WDR72: variants seen among roughly 807,000 people sequenced by gnomAD.
The protein encoded by WDR72 is WD repeat-containing protein 72.
In WDR72, 120 loss-of-function variants were observed where a neutral mutation model predicts 124.2. That is an observed-to-expected ratio of 0.97 (90% CI 0.83 to 1.12). WDR72 has a LOEUF of 1.12. WDR72 is among the 50% of genes most tolerant of loss of function. The pLI, the probability that WDR72 is intolerant of heterozygous loss-of-function variation, is 0.00. For synonymous variants in WDR72, 452 were observed against 441.7 expected (o/e 1.02, Z -0.29); for missense variants, 1,387 against 1,278.8 (o/e 1.08, Z -1.29).
chr15:53,744,822 G>C (rs1567061040), intron 1 of WDR72, among the ~76,000 whole-genome samples: 1 of 152,182 alleles, frequency 6.6e-6, no homozygotes, highest in Admixed American at 6.5e-5. Flanking sequence ...TGCTGATGAG[G>C]AAGTGGAGGA....
chr15:53,758,773 G>A (rs1041701523), intron 1 of WDR72, among the ~76,000 whole-genome samples: 1 of 127,064 alleles, frequency 7.9e-6, no homozygotes, highest in Non-Finnish European at 1.7e-5. Flanking sequence ...AACTGCGGGG[G>A]GGGGGGGGGC....
At chr15:53,700,028 A>G (rs1003604190) in intron 12 of WDR72, 83 bp from the exon 13 acceptor site, 46 of 1,557,770 alleles carry the variant, frequency 3.0e-5, no homozygotes, top group Non-Finnish European at 3.8e-5. Flanking sequence ...TCCCAGTAAC[A>G]TAAAAAAGTT....
intron 14 of WDR72, among the ~76,000 whole-genome samples, chr15:53,663,171 A>G (rs2015664642): frequency 6.6e-6 from 1 of 152,036 alleles, no homozygotes; most frequent in Non-Finnish European, 1.5e-5. Context: ...GAAAAAGTGT[A>G]TAATAGACAT....
intron 19 of WDR72, among the ~76,000 whole-genome samples, chr15:53,520,261 C>T (rs1350710164): frequency 4.6e-5 from 7 of 152,002 alleles, no homozygotes; most frequent in African/African-American, 1.7e-4. Flanking sequence ...TTTCTATATG[C>T]TGTTCAAACA....
At chr15:53,686,830 A>AT (rs2016648708) in intron 13 of WDR72, among the ~76,000 whole-genome samples, 1 of 150,156 alleles carries the variant, frequency 6.7e-6, no homozygotes, top group Admixed American at 6.6e-5. Context: ...TCCTCAGCAA[A>AT]TGTAAAAGAA....
chr15:53,754,005 C>T (rs116112112), intron 1 of WDR72, among the ~76,000 whole-genome samples: 1 of 152,112 alleles, frequency 6.6e-6, no homozygotes, highest in East Asian at 1.9e-4. Flanking sequence ...ATGATGACAT[C>T]ATCATCTGTT....
At chr15:53,602,147 C>T (rs538777183) in intron 17 of WDR72, among the ~76,000 whole-genome samples, 2 of 152,158 alleles carry the variant, frequency 1.3e-5, no homozygotes, top group Non-Finnish European at 2.9e-5. Flanking sequence ...TCACCAGGAC[C>T]ACAGCACAAT....
At chr15:53,545,306 G>A (rs1248789730) in intron 18 of WDR72, among the ~76,000 whole-genome samples, 267 of 151,276 alleles carry the variant, frequency 1.8e-3, no homozygotes, top group African/African-American at 6.0e-3. Flanking sequence ...TACTGGTACC[G>A]AAACAGAGAT....
chr15:53,523,371 A>C (rs1457221805), intron 18 of WDR72, 49 bp from the exon 19 acceptor site: 1 of 1,570,076 alleles, frequency 6.4e-7, no homozygotes, highest in Non-Finnish European at 8.7e-7. Flanking sequence ...GAGAGGATGA[A>C]AAAGTAGTAG....
At chr15:53,732,298 A>C (rs1200732853) in intron 2 of WDR72, among the ~76,000 whole-genome samples, 1 of 152,230 alleles carries the variant, frequency 6.6e-6, no homozygotes, top group African/African-American at 2.4e-5. Context: ...GATCTTTAAA[A>C]GGCTTCTTAA....
intron 18 of WDR72, among the ~76,000 whole-genome samples, chr15:53,582,000 T>C (rs1485048232): frequency 1.3e-5 from 2 of 151,974 alleles, no homozygotes; most frequent in Non-Finnish European, 1.5e-5. Context: ...AGTGAGACTA[T>C]ATTCAATGCA....
chr15:53,575,158 G>GAGT (rs57891106), intron 18 of WDR72, among the ~76,000 whole-genome samples: 18,040 of 151,764 alleles, frequency 0.12, 1,268 homozygotes, highest in African/African-American at 0.19. Context: ...TTTTTCATAT[G>GAGT]AGTACTACCA....
chr15:53,734,228 C>T (rs918622694), intron 1 of WDR72, among the ~76,000 whole-genome samples: 3 of 152,048 alleles, frequency 2.0e-5, no homozygotes, highest in African/African-American at 7.2e-5. Flanking sequence ...CCTTGTAGTT[C>T]CATTGTCTGG....
At chr15:53,630,810 G>C (rs1292590970) in intron 14 of WDR72, among the ~76,000 whole-genome samples, 1 of 152,162 alleles carries the variant, frequency 6.6e-6, no homozygotes. Flanking sequence ...GGACAAGTAT[G>C]TCCTTTCTTG....
intron 14 of WDR72, among the ~76,000 whole-genome samples, chr15:53,647,611 C>T (rs1477636774): frequency 2.0e-5 from 3 of 152,062 alleles, no homozygotes; most frequent in Non-Finnish European, 4.4e-5. Flanking sequence ...TTACAGTTCT[C>T]CACCTTTTCC....
chr15:53,738,814 C>T (rs1251235834), intron 1 of WDR72, among the ~76,000 whole-genome samples: 3 of 152,102 alleles, frequency 2.0e-5, no homozygotes, highest in Non-Finnish European at 4.4e-5. Flanking sequence ...ACCTTGTTGG[C>T]GAAGCTGGTC....
intron 4 of WDR72, among the ~76,000 whole-genome samples, chr15:53,715,654 G>A (rs2017682993): frequency 7.7e-6 from 1 of 129,162 alleles, no homozygotes; most frequent in Non-Finnish European, 1.9e-5. Context: ...AGTGCAACTT[G>A]GAACTAAACA....
chr15:53,517,376 T>A lies in WDR72; in HGVS notation c.*323A>T. ...GGGACTAAAAGGATAGGAGAAAATT[T>A]AAAGCAGTATTAAATTTGTGTCTGT... On this transcript the variant is annotated 3_prime_UTR_variant, in exon 20 of 20. Transcript: ENST00000360509. 3.1e-6 allele frequency: 1 copy of A among 325,428 alleles called. No individual in the cohort carries two copies. The highest frequency in any genetic ancestry group is 3.3e-5 in the South Asian group (1 of 30,734). 20.2% of individuals were successfully genotyped at this position (325,428 alleles called of 1,614,324 possible).
rs1315424319 is a variant in WDR72, at chr15:53,609,575, C to T, written c.2890G>A (p.Val964Ile). Residue 964 changes from valine to isoleucine, a missense_variant, in exon 17 of 20, where the codon GTA (valine) becomes ATA (isoleucine). Val to Ile is a conservative substitution (Grantham distance 29). Transcript: ENST00000360509. ...AAAAGTGAAAGGTCAGCCTCAGGTA[C>T]ATGGGATTCATTCTTACCTAGAAAT... is the stretch of plus-strand genomic sequence containing the variant. ...CLRNGKNESH[V>I]PEADLSLLKL... 1 of 1,613,236 alleles carries T rather than the reference C, an allele frequency of 6.2e-7. No individual in the cohort carries two copies. The highest frequency in any genetic ancestry group is 8.5e-7 in the Non-Finnish European group (1 of 1,179,520).
Sources: gnomAD v4.1 joint callset for allele counts (sites outside exome capture counted in the v4.1 genomes callset) on GRCh38, gnomAD v4.1.1 for gene constraint, MANE v1.5 for transcripts, NCBI Gene and HGNC (gene_info 2026-07-23, HGNC 2026-07-21) for gene names.